Variants in XNDC1N observed in about 807,000 individuals in gnomAD.
The protein encoded by XNDC1N is XRCC1 N-terminal domain containing 1, N-terminal like.
the XNDC1N span, among the ~76,000 whole-genome samples, chr11:71,918,447 A>G: frequency 6.6e-6 from 1 of 151,696 alleles, no homozygotes; most frequent in Non-Finnish European, 1.5e-5. Context: ...ACACCTGGCT[A>G]ATTTTTGTAT....
At chr11:71,870,109 G>T in the XNDC1N span, among the ~76,000 whole-genome samples, 4 of 152,286 alleles carry the variant, frequency 2.6e-5, no homozygotes, top group South Asian at 6.2e-4. Flanking sequence ...CAGATCTCAT[G>T]AGAGCTCACT....
At chr11:71,904,218 T>C in the XNDC1N span, 1 of 392,860 alleles carries the variant, frequency 2.5e-6, no homozygotes, top group East Asian at 7.1e-5. Flanking sequence ...TGAACACCCA[T>C]TGTGTCATTA....
chr11:71,887,597 CA>C, the XNDC1N span, among the ~76,000 whole-genome samples: 3 of 151,562 alleles, frequency 2.0e-5, no homozygotes, highest in Admixed American at 6.6e-5. Context: ...GCCAGTGAGG[CA>C]AAAACAGGGG....
the XNDC1N span, among the ~76,000 whole-genome samples, chr11:71,919,864 G>T: frequency 4.5e-5 from 6 of 133,830 alleles, no homozygotes; most frequent in Non-Finnish European, 6.2e-5. Context: ...TGATCCGCCC[G>T]CCTCGGCCTC....
chr11:71,898,779 G>GAA, the XNDC1N span, among the ~76,000 whole-genome samples: 3 of 152,194 alleles, frequency 2.0e-5, no homozygotes, highest in African/African-American at 4.8e-5. Flanking sequence ...AACTGTTCTG[G>GAA]AGACGATGAC....
At chr11:71,904,279 CAT>C in the XNDC1N span, among the ~76,000 whole-genome samples, 9 of 152,138 alleles carry the variant, frequency 5.9e-5, no homozygotes, top group Non-Finnish European at 1.3e-4. Flanking sequence ...AGTACACACA[CAT>C]GGGGTACACC....
At chr11:71,916,566 C>G in the XNDC1N span, 1 of 267,822 alleles carries the variant, frequency 3.7e-6, no homozygotes, top group Admixed American at 4.5e-5. Flanking sequence ...GAAGAAGTTA[C>G]CTGCAGAGTA....
At chr11:71,911,682 A>G in the XNDC1N span, among the ~76,000 whole-genome samples, 1 of 152,204 alleles carries the variant, frequency 6.6e-6, no homozygotes, top group Non-Finnish European at 1.5e-5. Context: ...GATAGAAAGA[A>G]AAGGGCCTAT....
the XNDC1N span, among the ~76,000 whole-genome samples, chr11:71,880,628 T>C: frequency 1.3e-5 from 2 of 152,198 alleles, no homozygotes; most frequent in African/African-American, 4.8e-5. Flanking sequence ...TCTTACTATG[T>C]TCTTGCAGTA....
chr11:71,898,281 A>G, the XNDC1N span, among the ~76,000 whole-genome samples: 8 of 152,246 alleles, frequency 5.3e-5, no homozygotes, highest in Admixed American at 5.2e-4. Flanking sequence ...AACCTTGAAG[A>G]CATTATCGTC....
chr11:71,866,815 T>C, the XNDC1N span, among the ~76,000 whole-genome samples: 2 of 152,074 alleles, frequency 1.3e-5, no homozygotes, highest in Middle Eastern at 3.4e-3. Flanking sequence ...CTTGAGATAC[T>C]CTCAGACCTT....
chr11:71,874,794 C>T, the XNDC1N span, among the ~76,000 whole-genome samples: 1 of 152,166 alleles, frequency 6.6e-6, no homozygotes, highest in Non-Finnish European at 1.5e-5. Context: ...TGATTTTACT[C>T]ATTTCGTTTG....
At chr11:71,907,580 A>G in the XNDC1N span, among the ~76,000 whole-genome samples, 9 of 151,954 alleles carry the variant, frequency 5.9e-5, no homozygotes, top group Non-Finnish European at 7.4e-5. Flanking sequence ...ACCGCTGTAC[A>G]CCCGTCTGTA....
the XNDC1N span, among the ~76,000 whole-genome samples, chr11:71,905,902 T>A: frequency 6.6e-6 from 1 of 151,992 alleles, no homozygotes; most frequent in African/African-American, 2.4e-5. Context: ...AAGTAATATC[T>A]CTCTATCAGA....
chr11:71,905,789 T>C, the XNDC1N span, among the ~76,000 whole-genome samples: 5 of 152,048 alleles, frequency 3.3e-5, no homozygotes, highest in Non-Finnish European at 5.9e-5. Flanking sequence ...TGTACACACA[T>C]GGGGTACACC....
chr11:71,913,773 C>T, the XNDC1N span, among the ~76,000 whole-genome samples: 1 of 151,976 alleles, frequency 6.6e-6, no homozygotes, highest in Non-Finnish European at 1.5e-5. Flanking sequence ...AGCTAACTCT[C>T]TCGTTAGGGC....
the XNDC1N span, among the ~76,000 whole-genome samples, chr11:71,896,097 A>G: frequency 1.3e-5 from 2 of 152,288 alleles, no homozygotes; most frequent in South Asian, 2.1e-4. Context: ...GGCCAACATG[A>G]TGAAACCCCG....
At chr11:71,889,108 G>T in the XNDC1N span, among the ~76,000 whole-genome samples, 1 of 152,174 alleles carries the variant, frequency 6.6e-6, no homozygotes, top group African/African-American at 2.4e-5. Context: ...CTAGAAAGCT[G>T]AACTCATTGC....
chr11:71,905,374 G>A, the XNDC1N span, among the ~76,000 whole-genome samples: 3 of 151,658 alleles, frequency 2.0e-5, no homozygotes, highest in Non-Finnish European at 2.9e-5. Context: ...AGGATATTAC[G>A]AATAACATCA....
Sources: allele counts gnomAD v4.1 joint callset (sites outside exome capture counted in the v4.1 genomes callset), GRCh38; gene constraint gnomAD v4.1.1; transcripts MANE v1.5; gene names NCBI Gene and HGNC (gene_info 2026-07-23, HGNC 2026-07-21).